The following USP48 variants were observed in gnomAD, a reference collection of about 807,000 sequenced individuals.
USP48 encodes the protein ubiquitin specific peptidase 48, also known as ubiquitin carboxyl-terminal hydrolase 48.
In USP48, 43 loss-of-function variants were observed where a neutral mutation model predicts 150.7. The ratio of observed to expected loss-of-function variants is 0.29; its 90% CI spans 0.22 to 0.37. USP48 has a LOEUF of 0.37. USP48 is among the 10% of genes least tolerant of loss of function. USP48 has a pLI of 1.00. For missense variants in USP48, 813 were observed against 1,249.6 expected, an observed-to-expected ratio of 0.65 and a Z score of 5.27; for synonymous variants, 396 against 425.9, an observed-to-expected ratio of 0.93 and a Z score of 0.86.
At chr1:21,726,104 A>G (rs1165835605) in intron 11 of USP48, among the ~76,000 whole-genome samples, 1 of 152,220 alleles carries the variant, frequency 6.6e-6, no homozygotes, top group Non-Finnish European at 1.5e-5. Flanking sequence ...TTTCCCCAGC[A>G]GCTGGGGAGG....
At chr1:21,733,784 A>C (rs2097762525) in intron 9 of USP48, among the ~76,000 whole-genome samples, 1 of 152,058 alleles carries the variant, frequency 6.6e-6, no homozygotes. Flanking sequence ...TCACAATTTA[A>C]AGTTCTTTTT....
At chr1:21,776,626 G>C (rs1446046132) in intron 1 of USP48, among the ~76,000 whole-genome samples, 1 of 121,960 alleles carries the variant, frequency 8.2e-6, no homozygotes, top group Non-Finnish European at 1.8e-5. Flanking sequence ...AAAGAAGAAA[G>C]TGAGTAGAAA....
intron 14 of USP48, among the ~76,000 whole-genome samples, chr1:21,718,618 G>C (rs1194610891): frequency 2.6e-5 from 4 of 151,510 alleles, no homozygotes; most frequent in Non-Finnish European, 5.9e-5. Context: ...GAATGCAGTG[G>C]TGCCATCTCA....
chr1:21,694,972 C>G, intron 23 of USP48, 94 bp downstream of exon 23: 2 of 1,259,744 alleles, frequency 1.6e-6, no homozygotes, highest in Non-Finnish European at 2.1e-6. Context: ...GAAAAAAACA[C>G]AGATACATAC....
At chr1:21,729,678 G>C (rs761691356) in intron 10 of USP48, 26 bp downstream of exon 10, 1 of 1,609,260 alleles carries the variant, frequency 6.2e-7, no homozygotes, top group African/African-American at 1.3e-5. Context: ...ACATTTGCCT[G>C]CTATAATCCT....
intron 25 of USP48, among the ~76,000 whole-genome samples, chr1:21,685,487 G>A (rs1571680926): frequency 6.6e-6 from 1 of 151,954 alleles, no homozygotes; most frequent in Non-Finnish European, 1.5e-5. Flanking sequence ...GTTAATTTTT[G>A]TAATTTTAGT....
intron 26 of USP48, among the ~76,000 whole-genome samples, chr1:21,680,120 T>C (rs2097561791): frequency 6.6e-6 from 1 of 152,246 alleles, no homozygotes; most frequent in Non-Finnish European, 1.5e-5. Context: ...AGTAGATTTG[T>C]CTCTCATTTG....
intron 25 of USP48, among the ~76,000 whole-genome samples, chr1:21,684,642 C>T (rs1231923958): frequency 1.3e-5 from 2 of 151,382 alleles, no homozygotes; most frequent in Admixed American, 6.6e-5. Context: ...ACAGCATTTC[C>T]CCCATATTGA....
chr1:21,782,790 G>A lies in USP48; in HGVS notation c.134+34C>T, dbSNP rs534071808. On this transcript the variant is annotated intron_variant, in intron 1 of 26. Transcript: ENST00000308271. ...GCCCGGGCTTTCCAAGGTCCGGCGC[G>A]AGGAGCCCGCGAGGCGCGGTGCGCG... The A allele has an allele frequency of 1.5e-5, 22 of 1,503,584 alleles. No individual in the cohort carries two copies. In the Admixed American group the frequency reaches 3.1e-4, roughly 21 times the overall value. The allele number at this position is 1,503,584 out of a possible 1,614,324, so 93.1% of individuals were successfully genotyped here.
At chr1:21,762,322 A>G (rs1376177990) in intron 1 of USP48, among the ~76,000 whole-genome samples, 3 of 152,192 alleles carry the variant, frequency 2.0e-5, no homozygotes, top group Admixed American at 6.5e-5. Flanking sequence ...AAGTAACAGA[A>G]AATCTCTCCT....
intron 1 of USP48, among the ~76,000 whole-genome samples, chr1:21,762,029 G>C (rs1371488256): frequency 1.3e-5 from 2 of 152,230 alleles, no homozygotes; most frequent in East Asian, 1.9e-4. Flanking sequence ...CACTTTGGGA[G>C]ACTGAGGTGG....
intron 15 of USP48, among the ~76,000 whole-genome samples, chr1:21,712,464 T>C (rs2097692830): frequency 6.6e-6 from 1 of 152,086 alleles, no homozygotes; most frequent in Non-Finnish European, 1.5e-5. Flanking sequence ...ATCCTCCTCT[T>C]ACCAACATCA....
chr1:21,731,926 C>G (rs1346856168), intron 9 of USP48, among the ~76,000 whole-genome samples: 1 of 152,062 alleles, frequency 6.6e-6, no homozygotes, highest in Non-Finnish European at 1.5e-5. Context: ...CCACTAATCT[C>G]TATGACGTAA....
Position 21,721,770 on chromosome 1 carries a change from G to A in USP48, c.1649-6C>T, listed in dbSNP as rs1330287692. 2 of 1,552,822 alleles carry A rather than the reference G, an allele frequency of 1.3e-6. No homozygotes were observed. Among genetic ancestry groups the A allele is most frequent in the Non-Finnish European group, 1.7e-6 (2 of 1,143,212 alleles). On this transcript the variant is annotated splice_region_variant and splice_polypyrimidine_tract_variant and intron_variant, in intron 12 of 26. Coordinates refer to ENST00000308271, the MANE Select transcript of USP48 (RefSeq NM_032236.8). ...TTCCTTACACAGGGCTTTCACTACA[G>A]GCAAGAAAGAATGAAAGGAAATATA...
intron 1 of USP48, among the ~76,000 whole-genome samples, chr1:21,766,018 T>A (rs189690379): frequency 9.6e-4 from 144 of 149,428 alleles, no homozygotes; most frequent in Middle Eastern, 3.5e-3. Flanking sequence ...ACTAATAAGA[T>A]GCAACAGGCA....
chr1:21,714,592 C>T (rs938998218), intron 15 of USP48, among the ~76,000 whole-genome samples: 1 of 152,094 alleles, frequency 6.6e-6, no homozygotes, highest in African/African-American at 2.4e-5. Context: ...GGAAGGGGAA[C>T]TTATGAAGTA....
intron 1 of USP48, 103 bp from the exon 2 acceptor site, chr1:21,757,886 G>A (rs2097840846): frequency 1.5e-6 from 2 of 1,354,036 alleles, no homozygotes; most frequent in South Asian, 1.6e-5. Context: ...CTATAAATTA[G>A]CAAAACTGAG....
chr1:21,724,496 T>A, intron 11 of USP48: 1 of 280,574 alleles, frequency 3.6e-6, no homozygotes, highest in Non-Finnish European at 6.7e-6. Flanking sequence ...GTTTATTTCA[T>A]AAATTATTTT....
rs191219522 is a variant in USP48, at chr1:21,724,700, C to A, written c.1451-605G>T. 338 of 152,452 alleles carry A rather than the reference C, an allele frequency of 2.2e-3. 2 individuals carry two copies. The highest frequency in any genetic ancestry group is 7.0e-3 in the African/African-American group (290 of 41,490). 9.4% of individuals were successfully genotyped at this position (152,452 alleles called of 1,614,324 possible). A position where few individuals can be genotyped will look rare whatever the true frequency, so the allele number is the denominator to read the frequency against. ...CCCACCCAAATCCAAGTCATGATCT[C>A]TTCATTATATTATTATTTATTTCAA... On this transcript the variant is annotated intron_variant, in intron 11 of 26. Coordinates refer to ENST00000308271, the MANE Select transcript of USP48 (RefSeq NM_032236.8).
Sources: gnomAD v4.1 joint callset for allele counts (sites outside exome capture counted in the v4.1 genomes callset) on GRCh38, gnomAD v4.1.1 for gene constraint, MANE v1.5 for transcripts, NCBI Gene and HGNC (gene_info 2026-07-23, HGNC 2026-07-21) for gene names.